PTPN5: variants seen among roughly 807,000 people sequenced by gnomAD.
The protein encoded by PTPN5 is tyrosine-protein phosphatase non-receptor type 5.
PTPN5 carries 29 observed loss-of-function variants against 73.9 expected under a neutral mutation model. The observed-to-expected ratio is 0.39, with a 90% CI of 0.29 to 0.54. The LOEUF is 0.54. Among genes scored for constraint, PTPN5 ranks in the 20% least tolerant of loss-of-function variants. PTPN5 has a pLI of 0.65. For missense variants in PTPN5, 652 were observed against 751.4 expected (o/e 0.87, Z 1.55); for synonymous variants, 267 against 304.7 (o/e 0.88, Z 1.29).
At chr11:18,743,262 G>A (rs1828191156) in intron 5 of PTPN5, 60 bp downstream of exon 5, 8 of 1,506,220 alleles carry the variant, frequency 5.3e-6, no homozygotes, top group Non-Finnish European at 7.4e-6. Flanking sequence ...GTTGGGGAGG[G>A]TGGGACTAGA....
chr11:18,788,154 C>T (rs1167558998), intron 1 of PTPN5, among the ~76,000 whole-genome samples: 1 of 152,178 alleles, frequency 6.6e-6, no homozygotes, highest in Admixed American at 6.5e-5. Context: ...TGGCCTCTTG[C>T]ATCAACTCCT....
At chr11:18,756,792 C>T (rs1850162146) in intron 3 of PTPN5, among the ~76,000 whole-genome samples, 2 of 151,850 alleles carry the variant, frequency 1.3e-5, no homozygotes, top group East Asian at 2.0e-4. Flanking sequence ...GGTTTGGTGG[C>T]GTATGCCTGT....
At chr11:18,785,101 C>T (rs1168631693) in intron 1 of PTPN5, among the ~76,000 whole-genome samples, 1 of 152,126 alleles carries the variant, frequency 6.6e-6, no homozygotes, top group Non-Finnish European at 1.5e-5. Context: ...TGATCCCCTG[C>T]CTCAGCCTCC....
intron 1 of PTPN5, among the ~76,000 whole-genome samples, chr11:18,781,583 G>C (rs1268092687): frequency 2.0e-5 from 3 of 152,090 alleles, no homozygotes; most frequent in African/African-American, 7.2e-5. Context: ...GCCTGGTGCT[G>C]GGATTACAGC....
chr11:18,761,840 G>A (rs1456913900), intron 3 of PTPN5, among the ~76,000 whole-genome samples: 1 of 152,208 alleles, frequency 6.6e-6, no homozygotes, highest in African/African-American at 2.4e-5. Context: ...GGATGGAGCT[G>A]AGAGAGGTGA....
rs367543236 is a variant in PTPN5, at chr11:18,744,194, G to T, written c.103C>A (p.Pro35Thr). 81 of 1,545,076 alleles carry T rather than the reference G, an allele frequency of 5.2e-5. No homozygotes were observed. In the African/African-American group the frequency reaches 1.1e-3, roughly 20 times the overall value. Residue 35 changes from proline (P) to threonine (T), a missense_variant, in exon 4 of 15, where the codon CCC becomes ACC. Pro to Thr is a conservative substitution (Grantham distance 38, BLOSUM62 -1). This residue lies in a region of PTPN5 where 529 missense variants were observed against 573.9 expected (regional missense o/e 0.92). Coordinates refer to ENST00000358540, the MANE Select transcript of PTPN5 (RefSeq NM_006906.2). ...AGTGCCTCCATCACTATCGGCTGGG[G>T]GAGACCTGTGGAAGATGGGCCATGC... ...MCCSERLPGL[P>T]QPIVMEALDE...
upstream of PTPN5, chr11:18,792,010 G>A (rs747775294): frequency 1.3e-5 from 2 of 152,302 alleles, no homozygotes; most frequent in African/African-American, 2.4e-5. Flanking sequence ...GCAACTCTGC[G>A]CGGAGTCTCC....
At position 18,742,332 on chromosome 11, in the gene PTPN5, A is replaced by G; in HGVS notation, c.655T>C (p.Cys219Arg). Residue 219 changes from cysteine to arginine, a missense_variant, in exon 7 of 15, where the codon TGT (cysteine) becomes CGT (arginine). Physicochemically the swap from Cys to Arg is radical, Grantham distance 180. Around this residue, in one of 3 missense-constraint regions of PTPN5, gnomAD observed 529 missense variants for 573.9 expected, o/e 0.92. Transcript: ENST00000358540. The surrounding 1 kb of genome is among the most constrained non-coding windows in gnomAD (Gnocchi z 4.1). ...DPVPETPVFD[C>R]VMDIKPEADP... ...GCCTCAGGCTTGATGTCCATCACACAATCAAACACAGGAGTCTCGGGCACC... is the reference window on the plus strand; with the variant it reads ...GCCTCAGGCTTGATGTCCATCACACGATCAAACACAGGAGTCTCGGGCACC... 1.9e-6 allele frequency: 3 copies of G among 1,614,138 alleles called. No homozygotes were observed. Among genetic ancestry groups the G allele is most frequent in the Non-Finnish European group, 2.5e-6 (3 of 1,180,026 alleles).
chr11:18,765,856 A>C lies in PTPN5; in HGVS notation c.48T>G (p.Asp16Glu). ...TGTCCAGGGCCCCTCCCTCGGAGTC[A>C]TCAGCAGCGTGGTTCTCTCTCTCAC... ...ARSERENHAA[D>E]DSEGGALDMC... is the part of the protein sequence containing the mutation. The change falls in exon 3 of 15, where the codon GAT becomes GAG. Residue 16 changes from aspartate (D) to glutamate (E), a missense_variant. Around this residue, in one of 3 missense-constraint regions of PTPN5, gnomAD observed 529 missense variants for 573.9 expected, o/e 0.92. Transcript: ENST00000358540. The C allele has an allele frequency of 6.3e-7, 1 of 1,581,750 alleles. No individual in the cohort carries two copies. Among genetic ancestry groups the C allele is most frequent in the South Asian group, 1.2e-5 (1 of 86,194 alleles).
At chr11:18,778,186 CAGT>C (rs1317788083) in intron 1 of PTPN5, among the ~76,000 whole-genome samples, 1 of 152,170 alleles carries the variant, frequency 6.6e-6, no homozygotes, top group Non-Finnish European at 1.5e-5. Flanking sequence ...AATAGAGCAG[CAGT>C]AGGACCTAAC....
intron 1 of PTPN5, among the ~76,000 whole-genome samples, chr11:18,790,858 T>G (rs1015147866): frequency 3.3e-5 from 5 of 152,182 alleles, no homozygotes; most frequent in African/African-American, 9.7e-5. Flanking sequence ...TTTCCCCATC[T>G]GTAAAATGAG....
In PTPN5 at chr11:18,729,508, G is replaced by A. The variant is rs752349094; in HGVS notation, c.1549C>T (p.Arg517Trp). 7 of 1,601,546 alleles carry A rather than the reference G, an allele frequency of 4.4e-6. No individual in the cohort carries two copies. Among genetic ancestry groups the A allele is most frequent in the East Asian group, 2.2e-5 (1 of 44,866 alleles). Reference sequence around the variant, plus strand: ...AGGATGTCCACCACACCCTCCTGCCGCAGCTGCTGGCAGCAGATGCTGGTG... The same window carrying A: ...AGGATGTCCACCACACCCTCCTGCCACAGCTGCTGGCAGCAGATGCTGGTG... ...IATSICCQQL[R>W]QEGVVDILKT... is the part of the protein sequence containing the mutation. The change falls in exon 14 of 15, where the codon CGG becomes TGG. Residue 517 changes from arginine (R) to tryptophan (W), a missense_variant. This residue lies in a region of PTPN5 where 102 missense variants were observed against 160.5 expected (regional missense o/e 0.64). Coordinates refer to ENST00000358540, the MANE Select transcript of PTPN5 (RefSeq NM_006906.2). The surrounding 1 kb of genome is among the most constrained non-coding windows in gnomAD (Gnocchi z 5.2).
rs1848740820 is a variant in PTPN5 at position 18,728,870 on chromosome 11, G to A, written c.*64C>T. On this transcript the variant is annotated 3_prime_UTR_variant, in exon 15 of 15. Coordinates refer to ENST00000358540, the MANE Select transcript of PTPN5 (RefSeq NM_006906.2). The surrounding 1 kb of genome is among the most constrained non-coding windows in gnomAD (Gnocchi z 4.1). ...GAGCAGGCCCAGGACCCGAGGCAGG[G>A]CCCTGGGTGAGGGCCGAGACTCAGG... 1 of 1,527,834 alleles carries A rather than the reference G, an allele frequency of 6.5e-7. No individual in the cohort carries two copies. Among genetic ancestry groups the A allele is most frequent in the Non-Finnish European group, 8.9e-7 (1 of 1,122,608 alleles). 94.6% of individuals were successfully genotyped at this position (1,527,834 alleles called of 1,614,324 possible).
At chr11:18,776,397 G>C (rs950261428) in intron 1 of PTPN5, among the ~76,000 whole-genome samples, 1 of 151,916 alleles carries the variant, frequency 6.6e-6, no homozygotes, top group African/African-American at 2.4e-5. Flanking sequence ...GGAAGAACTG[G>C]GTACTCCGTC....
At chr11:18,782,639 A>C (rs1368525905) in intron 1 of PTPN5, among the ~76,000 whole-genome samples, 2 of 152,238 alleles carry the variant, frequency 1.3e-5, no homozygotes, top group Non-Finnish European at 2.9e-5. Flanking sequence ...AATAATCGTT[A>C]TCTCTGAACT....
Position 18,732,632 on chromosome 11 carries a change from A to C in PTPN5, c.1289T>G (p.Ile430Ser), listed in dbSNP as rs781102479. 1 of 1,613,964 alleles carries C rather than the reference A, an allele frequency of 6.2e-7. No homozygotes were observed. The highest frequency in any genetic ancestry group is 1.3e-5 in the African/African-American group (1 of 75,028). ...TCGCAGCCGGTAATCCTCCGTGTGA[A>C]TGACTTTCTGCACAGTGATCTCAAC... ...DGVEITVQKV[I>S]HTEDYRLRLI... The change falls in exon 12 of 15, where the codon ATT becomes AGT. Residue 430 changes from isoleucine to serine, a missense_variant. Physicochemically the swap from Ile to Ser is moderately radical, Grantham distance 142. Transcript: ENST00000358540.
In PTPN5 at chr11:18,729,664, T is replaced by G; in HGVS notation, c.1484A>C (p.His495Pro). The change falls in exon 13 of 15, where the codon CAC becomes CCC. Residue 495 changes from histidine (H) to proline (P), a missense_variant. Physicochemically the swap from His to Pro is moderately conservative, Grantham distance 77. This residue lies in a region of PTPN5 where 102 missense variants were observed against 160.5 expected (regional missense o/e 0.64). Transcript: ENST00000358540. This position sits in a 1 kb window ranked among gnomAD's most constrained non-coding sequence, Gnocchi z 5.2. ...GCTGGCTGGGAGGACCCACCTGCAG[T>G]GGACGATGATGGGGGCACAGTGGGG... ...EGPHCAPIIV[H>P]CSAGIGRTGC... 1 of 1,571,746 alleles carries G rather than the reference T, an allele frequency of 6.4e-7. No individual in the cohort carries two copies. The highest frequency in any genetic ancestry group is 8.6e-7 in the Non-Finnish European group (1 of 1,159,978).
chr11:18,742,977 C>A lies in PTPN5; in HGVS notation c.483+15G>T. The A allele has an allele frequency of 6.5e-7, 1 of 1,530,324 alleles. No individual in the cohort carries two copies. The highest frequency in any genetic ancestry group is 1.2e-5 in the South Asian group (1 of 83,616). The allele number at this position is 1,530,324 out of a possible 1,614,324, so 94.8% of individuals were successfully genotyped here. On this transcript the variant is annotated intron_variant, in intron 6 of 14. Transcript: ENST00000358540. The surrounding 1 kb of genome is among the most constrained non-coding windows in gnomAD (Gnocchi z 4.1). ...AGGAGGACAGCCTTGAGGTTGGGGT[C>A]AGGAGGCGCCTTACCAGGGTGGTAA...
intron 3 of PTPN5, among the ~76,000 whole-genome samples, chr11:18,750,363 C>T (rs1349273853): frequency 1.3e-5 from 2 of 152,144 alleles, no homozygotes; most frequent in African/African-American, 4.8e-5. Flanking sequence ...CTTCCAGAGC[C>T]CATGCTATTA....
Sources: allele counts gnomAD v4.1 joint callset (sites outside exome capture counted in the v4.1 genomes callset), GRCh38; gene constraint gnomAD v4.1.1; regional missense constraint gnomAD v4.1.1; non-coding constraint Gnocchi (gnomAD v3.1); transcripts MANE v1.5; gene names NCBI Gene and HGNC (gene_info 2026-07-23, HGNC 2026-07-21).